FSTL5: variants seen among roughly 807,000 people sequenced by gnomAD.
FSTL5 encodes the protein follistatin like 5, also known as follistatin-related protein 5.
Under a neutral mutation model 89.1 loss-of-function variants are expected in FSTL5, and 62 were observed. That is an observed-to-expected ratio of 0.70 (90% CI 0.57 to 0.86). The LOEUF (loss-of-function observed/expected upper bound fraction) is 0.86. FSTL5 is among the 40% of genes least tolerant of loss of function. The pLI is 0.00. For missense variants in FSTL5, 1,057 were observed against 1,001.6 expected (o/e 1.06, Z -0.75); for synonymous variants, 383 against 346.2 (o/e 1.11, Z -1.18).
intron 3 of FSTL5, among the ~76,000 whole-genome samples, chr4:161,926,827 T>C (rs899046130): frequency 6.6e-6 from 1 of 151,874 alleles, no homozygotes; most frequent in African/African-American, 2.4e-5. Flanking sequence ...GTAGTACTTA[T>C]CATTATACAC....
chr4:162,026,446 T>A (rs1737296786), intron 3 of FSTL5, among the ~76,000 whole-genome samples: 1 of 151,736 alleles, frequency 6.6e-6, no homozygotes, highest in Non-Finnish European at 1.5e-5. Flanking sequence ...TAGCTGGAAT[T>A]ACAGGTGCCC....
chr4:161,503,052 T>A (rs1730353994), intron 11 of FSTL5, among the ~76,000 whole-genome samples: 1 of 151,722 alleles, frequency 6.6e-6, no homozygotes, highest in Non-Finnish European at 1.5e-5. Flanking sequence ...TTCAGACAGA[T>A]CAGAGGCAAA....
At chr4:161,465,154 C>A (rs1733708945) in intron 13 of FSTL5, among the ~76,000 whole-genome samples, 1 of 151,942 alleles carries the variant, frequency 6.6e-6, no homozygotes, top group South Asian at 2.1e-4. Context: ...CAATATTGGT[C>A]CTTATAGTAG....
intron 15 of FSTL5, among the ~76,000 whole-genome samples, chr4:161,405,244 AAG>A (rs1239580597): frequency 6.6e-6 from 1 of 151,998 alleles, no homozygotes; most frequent in Non-Finnish European, 1.5e-5. Context: ...AAAAAAAAAA[AAG>A]AGAAAATATT....
At chr4:161,819,654 T>G (rs185161622) in intron 4 of FSTL5, among the ~76,000 whole-genome samples, 23 of 151,980 alleles carry the variant, frequency 1.5e-4, no homozygotes, top group Non-Finnish European at 2.5e-4. Context: ...GAAGAAAATT[T>G]GGGGCTAGAA....
chr4:161,475,989 G>A (rs868352058), intron 13 of FSTL5, among the ~76,000 whole-genome samples: 6 of 151,780 alleles, frequency 4.0e-5, no homozygotes, highest in South Asian at 2.1e-4. Context: ...TCCTGACCTC[G>A]TGATCCGCCC....
intron 4 of FSTL5, among the ~76,000 whole-genome samples, chr4:161,798,959 C>T (rs768257835): frequency 7.9e-5 from 12 of 151,670 alleles, no homozygotes; most frequent in Admixed American, 3.9e-4. Flanking sequence ...GCTAAGAAGT[C>T]GTTACAGTAA....
rs1001387621 is a variant in FSTL5 at position 161,929,053 on chromosome 4, AT to A, written c.161-8402del. On this transcript the variant is annotated intron_variant, in intron 3 of 15. Transcript: ENST00000306100. ...CATTTAAATTTGTGATTCAAGCTGAATTTTTTTTGAATTACATAAGGTCTGT... is the reference window on the plus strand; with the variant it reads ...CATTTAAATTTGTGATTCAAGCTGAATTTTTTTGAATTACATAAGGTCTGT... Among the ~76,000 whole-genome samples the A allele has an allele frequency of 2.0e-5, 3 of 151,378 alleles. No homozygotes were observed. The Admixed American group carries it at 2.0e-4, about 10-fold the overall frequency.
chr4:161,413,092 A>G (rs1280209941), intron 15 of FSTL5, among the ~76,000 whole-genome samples: 1 of 152,110 alleles, frequency 6.6e-6, no homozygotes, highest in Non-Finnish European at 1.5e-5. Flanking sequence ...GCTTCTGCAC[A>G]GCAAAATAAA....
intron 8 of FSTL5, among the ~76,000 whole-genome samples, chr4:161,575,384 T>G (rs906961854): frequency 4.6e-5 from 7 of 152,216 alleles, no homozygotes; most frequent in African/African-American, 1.7e-4. Flanking sequence ...TTCTTGCAAT[T>G]ACTTTTGGTG....
intron 7 of FSTL5, among the ~76,000 whole-genome samples, chr4:161,619,136 T>G (rs898507310): frequency 3.3e-5 from 5 of 152,170 alleles, no homozygotes; most frequent in Non-Finnish European, 5.9e-5. Context: ...TGGCTAGCCA[T>G]ATGTAGAAAG....
chr4:161,834,887 T>G (rs4691029), intron 4 of FSTL5, among the ~76,000 whole-genome samples: 104,833 of 150,620 alleles, frequency 0.7, 36,905 homozygotes, highest in Non-Finnish European at 0.75. Context: ...CCAAGGTAAT[T>G]TATAGATTCA....
intron 1 of FSTL5, among the ~76,000 whole-genome samples, chr4:162,146,620 G>A (rs1364480279): frequency 2.0e-5 from 3 of 150,802 alleles, no homozygotes; most frequent in Non-Finnish European, 3.0e-5. Context: ...ACTATTAACT[G>A]AGGCACACCT....
chr4:161,920,684 T>C (rs745737697), intron 3 of FSTL5, 32 bp from the exon 4 acceptor site: 2 of 1,581,536 alleles, frequency 1.3e-6, no homozygotes, highest in African/African-American at 2.7e-5. Context: ...GAAAATCGTT[T>C]GGTTCATTTG....
chr4:161,565,551 T>C (rs1340982090), intron 8 of FSTL5, among the ~76,000 whole-genome samples: 3 of 151,986 alleles, frequency 2.0e-5, no homozygotes, highest in African/African-American at 7.2e-5. Context: ...GAAATCTTGG[T>C]ACCTTTTCAG....
At position 162,093,373 on chromosome 4, in the gene FSTL5, A is replaced by G. The variant is rs1288441112; in HGVS notation, c.126+17898T>C. Among the ~76,000 whole-genome samples the G allele has an allele frequency of 2.0e-5, 3 of 152,296 alleles. No individual in the cohort carries two copies. In the East Asian group the frequency reaches 5.8e-4, roughly 29 times the overall value. On this transcript the variant is annotated intron_variant, in intron 2 of 15. Coordinates refer to ENST00000306100, the MANE Select transcript of FSTL5 (RefSeq NM_020116.5). ...GGTCAAATGTTTGTTGGGAAATCCC[A>G]ACACTTCGCTGAGATGAAGTTACTA...
chr4:161,616,729 A>C (rs1734884642), intron 7 of FSTL5, among the ~76,000 whole-genome samples: 1 of 152,002 alleles, frequency 6.6e-6, no homozygotes, highest in Non-Finnish European at 1.5e-5. Context: ...GGTGAAGAGG[A>C]CCAGGATAAA....
intron 4 of FSTL5, among the ~76,000 whole-genome samples, chr4:161,846,198 A>G (rs893551122): frequency 6.6e-6 from 1 of 152,088 alleles, no homozygotes; most frequent in Non-Finnish European, 1.5e-5. Flanking sequence ...ACTTTAAATT[A>G]TTTGCTATAA....
chr4:161,434,971 G>C (rs1416463215), intron 15 of FSTL5, among the ~76,000 whole-genome samples: 2 of 152,096 alleles, frequency 1.3e-5, no homozygotes, highest in African/African-American at 4.8e-5. Context: ...TAGACAGGTA[G>C]TGGCAATGCA....
Sources: gnomAD v4.1 joint callset for allele counts (sites outside exome capture counted in the v4.1 genomes callset) on GRCh38, gnomAD v4.1.1 for gene constraint, MANE v1.5 for transcripts, NCBI Gene and HGNC (gene_info 2026-07-23, HGNC 2026-07-21) for gene names.